The following GPATCH1 variants were observed in gnomAD, a reference collection of about 807,000 sequenced individuals.
GPATCH1 encodes the protein G patch domain-containing protein 1.
GPATCH1 carries 73 observed loss-of-function variants against 114.9 expected under a neutral mutation model. The ratio of observed to expected loss-of-function variants is 0.64; its 90% CI spans 0.53 to 0.77. GPATCH1 has a LOEUF of 0.77. Among genes scored for constraint, GPATCH1 ranks in the 30% least tolerant of loss-of-function variants. The pLI, the probability that GPATCH1 is intolerant of heterozygous loss-of-function variation, is 0.00. For missense variants in GPATCH1, 1,058 were observed against 1,144.3 expected, an observed-to-expected ratio of 0.92 and a Z score of 1.09; for synonymous variants, 391 against 428.4, an observed-to-expected ratio of 0.91 and a Z score of 1.08.
intron 2 of GPATCH1, among the ~76,000 whole-genome samples, chr19:33,089,312 G>T (rs1972569202): frequency 6.6e-6 from 1 of 152,130 alleles, no homozygotes; most frequent in African/African-American, 2.4e-5. Context: ...AGAGTCACCA[G>T]GTGCCCTCTT....
At chr19:33,129,188 A>T (rs1362864509) in intron 19 of GPATCH1, among the ~76,000 whole-genome samples, 1 of 151,866 alleles carries the variant, frequency 6.6e-6, no homozygotes, top group Non-Finnish European at 1.5e-5. Context: ...TGGAGGTTGC[A>T]GTGAACCGAG....
intron 1 of GPATCH1, among the ~76,000 whole-genome samples, chr19:33,083,194 A>G (rs1457146299): frequency 1.4e-5 from 2 of 143,082 alleles, no homozygotes; most frequent in Non-Finnish European, 3.0e-5. Context: ...CAGTGAGCCA[A>G]GATGGCGCCA....
chr19:33,089,660 G>A (rs1398645913), intron 2 of GPATCH1, among the ~76,000 whole-genome samples: 1 of 148,316 alleles, frequency 6.7e-6, no homozygotes, highest in Non-Finnish European at 1.5e-5. Flanking sequence ...TCACTCTGTC[G>A]CCCAGGCTGG....
chr19:33,095,414 A>C (rs2145310063), intron 5 of GPATCH1, among the ~76,000 whole-genome samples: 1 of 151,930 alleles, frequency 6.6e-6, no homozygotes, highest in South Asian at 2.1e-4. Context: ...GGCTTGCGCC[A>C]CCATGCCTGG....
At chr19:33,097,610 G>C (rs985697162) in intron 7 of GPATCH1, 145 bp from the exon 8 acceptor site, 2 of 715,816 alleles carry the variant, frequency 2.8e-6, no homozygotes, top group African/African-American at 1.8e-5. Context: ...TGTGTTGGTC[G>C]ATCTGGGACC....
rs1161900495 is a variant in GPATCH1, at chr19:33,130,532, C to T, written c.*372C>T. Reference sequence around the variant, plus strand: ...TGAAGGACAAGCGTGTGAGAAGGGGCGGTTGCGGCCCCTCCTGCCGTTTTT... The same window carrying T: ...TGAAGGACAAGCGTGTGAGAAGGGGTGGTTGCGGCCCCTCCTGCCGTTTTT... On this transcript the variant is annotated 3_prime_UTR_variant, in exon 20 of 20. Transcript: ENST00000170564. 5.3e-5 allele frequency: 9 copies of T among 169,686 alleles called. No individual in the cohort carries two copies. In the South Asian group the frequency reaches 1.1e-3, roughly 21 times the overall value. 10.5% of individuals were successfully genotyped at this position (169,686 alleles called of 1,614,324 possible). A position where few individuals can be genotyped will look rare whatever the true frequency, so the allele number is the denominator to read the frequency against.
chr19:33,081,372 A>C, intron 1 of GPATCH1, 106 bp downstream of exon 1: 17 of 854,394 alleles, frequency 2.0e-5, no homozygotes, highest in Non-Finnish European at 2.0e-5. Flanking sequence ...GATCGTTCCC[A>C]GCGCTGGGAA....
intron 17 of GPATCH1, among the ~76,000 whole-genome samples, chr19:33,120,832 A>T: frequency 6.6e-6 from 1 of 151,838 alleles, no homozygotes; most frequent in Non-Finnish European, 1.5e-5. Context: ...TACTAAAAAT[A>T]CAAAAAAATT....
At chr19:33,102,738 T>C (rs1359801728) in intron 9 of GPATCH1, among the ~76,000 whole-genome samples, 5 of 152,124 alleles carry the variant, frequency 3.3e-5, no homozygotes, top group Admixed American at 2.6e-4. Context: ...GTTATTTACA[T>C]GAAAAGAGAC....
At position 33,095,667 on chromosome 19, in the gene GPATCH1, G is replaced by T. The variant is rs759076275; in HGVS notation, c.554-95G>T. 2.7e-5 allele frequency: 22 copies of T among 818,904 alleles called. No individual in the cohort carries two copies. In the African/African-American group the frequency reaches 3.7e-4, roughly 14 times the overall value. 50.7% of individuals were successfully genotyped at this position (818,904 alleles called of 1,614,324 possible). A position where few individuals can be genotyped will look rare whatever the true frequency, so the allele number is the denominator to read the frequency against. On this transcript the variant is annotated intron_variant, in intron 5 of 19. Coordinates refer to ENST00000170564, the MANE Select transcript of GPATCH1 (RefSeq NM_018025.3). ...TCCTCTCACCTCAGCCTCCCAGAGT[G>T]CTGGGATTACAGGTGTGATCCACCG... is the stretch of plus-strand genomic sequence containing the variant.
Position 33,106,769 on chromosome 19 carries a change from C to A in GPATCH1, c.1155C>A (p.Ser385=), listed in dbSNP as rs375494513. The A allele has an allele frequency of 6.2e-7, 1 of 1,613,958 alleles. No individual in the cohort carries two copies. The highest frequency in any genetic ancestry group is 8.5e-7 in the Non-Finnish European group (1 of 1,179,930). ...TCAGACCCATGGTGGCCGCCACCTC[C>A]GAGAACTCACACTTACTGCAGGTAT... ...HYFRPMVAAT[S]ENSHLLQVLS... Residue 385 remains serine, a synonymous_variant, in exon 10 of 20, where the codon TCC becomes TCA. Transcript: ENST00000170564.
chr19:33,125,008 A>T, intron 17 of GPATCH1, 97 bp from the exon 18 acceptor site: 1 of 1,292,448 alleles, frequency 7.7e-7, no homozygotes. Context: ...CATTCCATCT[A>T]CACTAGATGC....
At chr19:33,084,863 G>A (rs1258834910) in intron 1 of GPATCH1, among the ~76,000 whole-genome samples, 1 of 151,818 alleles carries the variant, frequency 6.6e-6, no homozygotes, top group African/African-American at 2.4e-5. Flanking sequence ...GTTTCACAAT[G>A]TTGGCCAGGC....
At chr19:33,092,205 C>G (rs1445825337) in intron 3 of GPATCH1, among the ~76,000 whole-genome samples, 1 of 152,008 alleles carries the variant, frequency 6.6e-6, no homozygotes, top group African/African-American at 2.4e-5. Context: ...TGTGCACCAC[C>G]ATGCCTGGCT....
chr19:33,082,234 C>T (rs1355317372), intron 1 of GPATCH1, among the ~76,000 whole-genome samples: 3 of 152,100 alleles, frequency 2.0e-5, no homozygotes, highest in Non-Finnish European at 4.4e-5. Flanking sequence ...TCAAGGTTCT[C>T]TCCTGTGTTT....
Position 33,126,678 on chromosome 19 carries a change from G to C in GPATCH1, c.2710G>C (p.Asp904His), listed in dbSNP as rs768259271. 2.5e-6 allele frequency: 4 copies of C among 1,614,076 alleles called. No homozygotes were observed. The highest frequency in any genetic ancestry group is 3.4e-6 in the Non-Finnish European group (4 of 1,180,030). Residue 904 changes from aspartate (D) to histidine (H), a missense_variant, in exon 19 of 20, where the codon GAC becomes CAC. This residue lies in a region of GPATCH1 where 893 missense variants were observed against 977.4 expected (regional missense o/e 0.91). Transcript: ENST00000170564. ...SSSSESSDSS[D>H]SQSDEETADV... ...TAGCTCCGAGAGTTCCGACAGCAGC[G>C]ACAGCCAGAGTGACGAGGAAACCGC...
At position 33,125,194 on chromosome 19, in the gene GPATCH1, AAAGAGAAGG is replaced by A; in HGVS notation, c.2612_2619+1del. 1 of 1,592,528 alleles carries A rather than the reference AAAGAGAAGG, an allele frequency of 6.3e-7. No individual in the cohort carries two copies. ...GGCCAAGAAAGAGCACAGGCGGAAG[AAAGAGAAGG>A]TGAGAGACTTGTGTGTACCCCAGGA... is the stretch of plus-strand genomic sequence containing the variant. On this transcript the variant is annotated splice_donor_variant and coding_sequence_variant, in exon 18 of 20. Transcript: ENST00000170564. LOFTEE classifies it high-confidence loss of function.
chr19:33,111,891 C>T lies in GPATCH1; in HGVS notation c.1753C>T (p.Arg585Ter), dbSNP rs763373081. Residue 585 changes from arginine to a stop codon, truncating the protein, a stop_gained, in exon 12 of 20, where the codon CGA (arginine) becomes TGA (stop). Transcript: ENST00000170564. LOFTEE classifies it high-confidence loss of function. ...EDDSDQVEVP[R>*]DQENDVGDKQ... ...TGACTCAGATCAGGTTGAAGTCCCT[C>T]GAGACCAAGAGGTCTGTTGTCACCA... 1.9e-6 allele frequency: 3 copies of T among 1,613,254 alleles called. No individual in the cohort carries two copies. The highest frequency in any genetic ancestry group is 1.7e-5 in the Admixed American group (1 of 60,012).
chr19:33,121,542 C>T (rs1483892917), intron 17 of GPATCH1, among the ~76,000 whole-genome samples: 3 of 152,198 alleles, frequency 2.0e-5, no homozygotes, highest in Non-Finnish European at 4.4e-5. Context: ...TGGTCTCGAA[C>T]TCCTGACCTG....
Sources: gnomAD v4.1 joint callset for allele counts (sites outside exome capture counted in the v4.1 genomes callset) on GRCh38, gnomAD v4.1.1 for gene constraint, gnomAD v4.1.1 regional missense constraint, MANE v1.5 for transcripts, NCBI Gene and HGNC (gene_info 2026-07-23, HGNC 2026-07-21) for gene names.